EVL: variants seen among roughly 807,000 people sequenced by gnomAD.
EVL encodes the protein Enah/Vasp-like.
In EVL, 21 loss-of-function variants were observed where a neutral mutation model predicts 59.6. The observed-to-expected ratio is 0.35, with a 90% confidence interval of 0.25 to 0.51. EVL has a LOEUF of 0.51. Among genes scored for constraint, EVL ranks in the 20% least tolerant of loss-of-function variants. The probability of loss-of-function intolerance (pLI) is 0.97; values close to 1 mark genes in which losing one functional copy is unlikely to be tolerated. For synonymous variants in EVL, 198 were observed against 203.5 expected (o/e 0.97, Z 0.23); for missense variants, 462 against 546.6 (o/e 0.85, Z 1.54).
intron 1 of EVL, among the ~76,000 whole-genome samples, chr14:100,069,081 G>C (rs1332135096): frequency 6.6e-6 from 1 of 152,138 alleles, no homozygotes; most frequent in Non-Finnish European, 1.5e-5. Context: ...CAGAAGGCAG[G>C]GATTTTCGCC....
chr14:100,061,502 C>T (rs1165594332), upstream of EVL, among the ~76,000 whole-genome samples: 1 of 141,572 alleles, frequency 7.1e-6, no homozygotes, highest in Non-Finnish European at 1.5e-5. Context: ...AATTCAAGTG[C>T]TCGGGGATGG....
At chr14:100,102,133 G>A (rs558523826) in intron 3 of EVL, among the ~76,000 whole-genome samples, 1 of 152,158 alleles carries the variant, frequency 6.6e-6, no homozygotes, top group Non-Finnish European at 1.5e-5. Flanking sequence ...CACCATGCCC[G>A]GTCTGACTTG....
At chr14:100,032,497 T>G (rs2061329289) in intron 1 of EVL, among the ~76,000 whole-genome samples, 1 of 152,158 alleles carries the variant, frequency 6.6e-6, no homozygotes, top group Non-Finnish European at 1.5e-5. Flanking sequence ...CCCAGTACTT[T>G]GTGGATATAA....
At chr14:99,973,585 C>A (rs1298323466) in intron 1 of EVL, among the ~76,000 whole-genome samples, 1 of 152,148 alleles carries the variant, frequency 6.6e-6, no homozygotes, top group Non-Finnish European at 1.5e-5. Flanking sequence ...GTCTCAGCTT[C>A]CCGAGTAGCT....
At chr14:100,024,284 A>G (rs937985570) in intron 1 of EVL, among the ~76,000 whole-genome samples, 1 of 152,252 alleles carries the variant, frequency 6.6e-6, no homozygotes, top group Non-Finnish European at 1.5e-5. Flanking sequence ...GAAACAAGTC[A>G]AAATGAGTAG....
intron 2 of EVL, among the ~76,000 whole-genome samples, chr14:100,089,184 A>G (rs909702870): frequency 1.3e-5 from 2 of 152,272 alleles, no homozygotes; most frequent in African/African-American, 2.4e-5. Flanking sequence ...ATTCAGAAGC[A>G]TAGTTGGAGA....
chr14:100,071,597 C>G (rs1156263740), intron 1 of EVL, among the ~76,000 whole-genome samples: 1 of 152,150 alleles, frequency 6.6e-6, no homozygotes, highest in East Asian at 1.9e-4. Context: ...AAAACAGAAG[C>G]TTTTTGGCAT....
At chr14:100,064,878 C>T (rs150970593), upstream of EVL, among the ~76,000 whole-genome samples, 536 of 152,210 alleles carry the variant, frequency 3.5e-3, 1 homozygote, top group Admixed American at 5.2e-3. Flanking sequence ...CCATTGCACT[C>T]CAGCCTGGGT....
At chr14:100,065,359 CTTCCTT>C, upstream of EVL, 9 of 905,096 alleles carry the variant, frequency 9.9e-6, no homozygotes, top group Non-Finnish European at 1.3e-5. Flanking sequence ...TCTGGTTCAG[CTTCCTT>C]TTCCTGTTTG....
At position 100,129,604 on chromosome 14, in the gene EVL, A is replaced by G; in HGVS notation, c.759A>G (p.Ser253=). The G allele has an allele frequency of 1.2e-6, 2 of 1,613,692 alleles. No individual in the cohort carries two copies. The highest frequency in any genetic ancestry group is 1.7e-6 in the Non-Finnish European group (2 of 1,179,912). ...ASGGSSPSGT[S]KSDANRASSG... Reference sequence around the variant, plus strand: ...GAGGCTCCAGTCCCAGTGGGACCTCAAAGTCCGATGCCAACCGGGCAAGCA... The same window carrying G: ...GAGGCTCCAGTCCCAGTGGGACCTCGAAGTCCGATGCCAACCGGGCAAGCA... Residue 253 remains serine (S), a synonymous_variant, in exon 7 of 14, where the codon TCA becomes TCG. Coordinates refer to ENST00000392920, the MANE Select transcript of EVL (RefSeq NM_016337.3).
At chr14:99,990,093 A>G (rs1471715542) in intron 1 of EVL, among the ~76,000 whole-genome samples, 1 of 152,184 alleles carries the variant, frequency 6.6e-6, no homozygotes, top group Non-Finnish European at 1.5e-5. Context: ...GCTTTGTATA[A>G]CATGGTCAGA....
chr14:100,067,057 C>T (rs1203182920), intron 1 of EVL, among the ~76,000 whole-genome samples: 1 of 152,140 alleles, frequency 6.6e-6, no homozygotes, highest in Non-Finnish European at 1.5e-5. Flanking sequence ...AATTTGTGTA[C>T]GGGGAGCGGA....
rs530668124 is a variant in EVL at position 100,084,164 on chromosome 14, G to T, written c.12-523G>T. On this transcript the variant is annotated intron_variant, in intron 1 of 13. Transcript: ENST00000392920. ...TCTCCTGGGTTCAAGCAATTCTTGTGCCTCAGCCTCCCGAGTAGCTAGGAT... is the reference window on the plus strand; with the variant it reads ...TCTCCTGGGTTCAAGCAATTCTTGTTCCTCAGCCTCCCGAGTAGCTAGGAT... 4.7e-5 allele frequency among the ~76,000 whole-genome samples: 7 copies of T among 150,534 alleles called. No individual in the cohort carries two copies. In the East Asian group the frequency reaches 1.4e-3, roughly 30 times the overall value.
Position 100,116,987 on chromosome 14 carries a change from G to A in EVL, c.359-6552G>A, listed in dbSNP as rs552936124. 1.4e-4 allele frequency among the ~76,000 whole-genome samples: 21 copies of A among 152,298 alleles called. No homozygotes were observed. The South Asian group carries it at 3.5e-3, about 26-fold the overall frequency. The stretch of plus-strand genomic sequence containing the variant: ...AAGGGGATTCGTACAATCCAGAACC[G>A]TCCAGGAGAGCACAGCCAAGGCGGA... On this transcript the variant is annotated intron_variant, in intron 3 of 13. Coordinates refer to ENST00000392920, the MANE Select transcript of EVL (RefSeq NM_016337.3).
intron 11 of EVL, chr14:100,140,530 T>C: frequency 6.6e-6 from 1 of 152,048 alleles, no homozygotes. Context: ...GTAGGAGAAT[T>C]GCTTGAACCT....
chr14:100,094,777 C>T (rs1336828620), intron 2 of EVL, among the ~76,000 whole-genome samples: 5 of 150,174 alleles, frequency 3.3e-5, no homozygotes, highest in African/African-American at 2.5e-5. Context: ...CACGGTGGCT[C>T]ACGCCTGTAA....
At chr14:100,031,524 T>G (rs2061314487) in intron 1 of EVL, among the ~76,000 whole-genome samples, 1 of 152,258 alleles carries the variant, frequency 6.6e-6, no homozygotes, top group Admixed American at 6.5e-5. Flanking sequence ...CTGGCACCTC[T>G]GAAGGCAGAT....
chr14:100,055,851 C>T (rs1030465807), intron 1 of EVL, among the ~76,000 whole-genome samples: 4 of 147,848 alleles, frequency 2.7e-5, no homozygotes, highest in African/African-American at 7.8e-5. Flanking sequence ...CTTGCTCTGT[C>T]ACCAGACTGG....
chr14:100,103,500 G>A (rs1215020716), intron 3 of EVL, among the ~76,000 whole-genome samples: 2 of 152,004 alleles, frequency 1.3e-5, no homozygotes, highest in Non-Finnish European at 1.5e-5. Flanking sequence ...TTGGCCTCCT[G>A]GGACACTTGG....
Sources: allele counts gnomAD v4.1 joint callset (sites outside exome capture counted in the v4.1 genomes callset), GRCh38; gene constraint gnomAD v4.1.1; transcripts MANE v1.5; gene names NCBI Gene and HGNC (gene_info 2026-07-23, HGNC 2026-07-21).